Variants in SDK2 observed in about 807,000 individuals in gnomAD.
The protein encoded by SDK2 is sidekick cell adhesion molecule 2, also known as protein sidekick-2.
In SDK2, 105 loss-of-function variants were observed where a neutral mutation model predicts 253.9. The observed-to-expected ratio is 0.41, with a 90% CI of 0.35 to 0.49. The LOEUF (loss-of-function observed/expected upper bound fraction) is 0.49. Ranked by LOEUF, SDK2 falls within the 20% of genes least tolerant of loss-of-function variation. The pLI is 0.06. For missense variants in SDK2, 2,608 were observed against 3,003.0 expected (o/e 0.87, Z 3.07); for synonymous variants, 1,249 against 1,234.9 (o/e 1.01, Z -0.24).
chr17:73,384,133 TCAAG>T, intron 32 of SDK2, 122 bp from the exon 33 acceptor site: 1 of 1,135,000 alleles, frequency 8.8e-7, no homozygotes, highest in Non-Finnish European at 1.2e-6. Context: ...GGAAAAGAAA[TCAAG>T]ATAATATTGG....
At chr17:73,623,355 T>C (rs9896851) in intron 1 of SDK2, among the ~76,000 whole-genome samples, 58,047 of 152,004 alleles carry the variant, frequency 0.38, 11,585 homozygotes, top group African/African-American at 0.5. Context: ...AGTCTGGCTC[T>C]GGGGTTCCCC....
At position 73,455,193 on chromosome 17, in the gene SDK2, G is replaced by A. The variant is rs1329704399; in HGVS notation, c.479+713C>T. On this transcript the variant is annotated intron_variant, in intron 4 of 44. Transcript: ENST00000392650. This position sits in a 1 kb window ranked among gnomAD's most constrained non-coding sequence, Gnocchi z 5.0. ...GTCTTCTGGAAGCAGGGGAGAGCTG[G>A]AGTTGGAAAGAGGAGAGCCCCAGCT... Among the ~76,000 whole-genome samples, 1 of 152,112 alleles carries A rather than the reference G, an allele frequency of 6.6e-6. No individual in the cohort carries two copies. Among genetic ancestry groups the A allele is most frequent in the Admixed American group, 6.5e-5 (1 of 15,276 alleles).
In SDK2 at chr17:73,618,233, T is replaced by C. The variant is rs113458785; in HGVS notation, c.64+25792A>G. Among the ~76,000 whole-genome samples, 420 of 152,186 alleles carry C rather than the reference T, an allele frequency of 2.8e-3. No homozygotes were observed. The highest frequency in any genetic ancestry group is 5.1e-3 in the Non-Finnish European group (346 of 67,984). On this transcript the variant is annotated intron_variant, in intron 1 of 44. Transcript: ENST00000392650. The surrounding 1 kb of genome is among the most constrained non-coding windows in gnomAD (Gnocchi z 4.1). ...ATGACGCAGCTCTTATACCTAGGAGTGTCCCTCTTAATTAGACCCCATACC... is the reference window on the plus strand; with the variant it reads ...ATGACGCAGCTCTTATACCTAGGAGCGTCCCTCTTAATTAGACCCCATACC...
At position 73,347,095 on chromosome 17, in the gene SDK2, T is replaced by C. The variant is rs558674192; in HGVS notation, c.6165+1504A>G. On this transcript the variant is annotated intron_variant, in intron 44 of 44. Transcript: ENST00000392650. ...GACCACAGTGGGGCCAGCACAGTGG[T>C]TCACACCTGTAATCCCAGCACTTTG... Among the ~76,000 whole-genome samples the C allele has an allele frequency of 5.7e-4, 86 of 152,198 alleles. 1 individual carries two copies. The highest frequency in any genetic ancestry group is 2.0e-3 in the African/African-American group (84 of 41,524).
At chr17:73,356,291 TG>T (rs1196121724) in intron 40 of SDK2, among the ~76,000 whole-genome samples, 1 of 152,108 alleles carries the variant, frequency 6.6e-6, no homozygotes, top group African/African-American at 2.4e-5. Context: ...TAACCCCCCT[TG>T]TTCCACCCCA....
In SDK2 at chr17:73,590,324, C is replaced by T. The variant is rs764944463; in HGVS notation, c.64+53701G>A. On this transcript the variant is annotated intron_variant, in intron 1 of 44. Coordinates refer to ENST00000392650, the MANE Select transcript of SDK2 (RefSeq NM_001144952.2). ...CATGAGACTTGACAGGACCTGGCAA[C>T]CAGCACCTCCTTCCCCGGCATTCGC... is the stretch of plus-strand genomic sequence containing the variant. Among the ~76,000 whole-genome samples the T allele has an allele frequency of 5.3e-4, 80 of 152,302 alleles. 1 individual carries two copies. Among genetic ancestry groups the T allele is most frequent in the Middle Eastern group, 3.4e-3 (1 of 294 alleles).
At chr17:73,488,116 C>T (rs553502485) in intron 2 of SDK2, among the ~76,000 whole-genome samples, 6 of 151,934 alleles carry the variant, frequency 3.9e-5, no homozygotes, top group South Asian at 2.1e-4. Flanking sequence ...CCTGGGTTCA[C>T]GCCATTCTCC....
rs893325981 is a variant in SDK2 at position 73,496,652 on chromosome 17, C to T, written c.224+10786G>A. On this transcript the variant is annotated intron_variant, in intron 2 of 44. Coordinates refer to ENST00000392650, the MANE Select transcript of SDK2 (RefSeq NM_001144952.2). This position sits in a 1 kb window ranked among gnomAD's most constrained non-coding sequence, Gnocchi z 4.7. The stretch of plus-strand genomic sequence containing the variant: ...ATATATCCGAGAAGATTCTTCCTGG[C>T]GTTCCAGGTCCTACCTCTGCCATCT... 2.0e-5 allele frequency among the ~76,000 whole-genome samples: 3 copies of T among 152,110 alleles called. No individual in the cohort carries two copies. Among genetic ancestry groups the T allele is most frequent in the African/African-American group, 4.8e-5 (2 of 41,416 alleles).
intron 3 of SDK2, among the ~76,000 whole-genome samples, chr17:73,463,770 C>T (rs752255956): frequency 8.5e-5 from 13 of 152,230 alleles, no homozygotes; most frequent in Non-Finnish European, 1.6e-4. Flanking sequence ...GTCATTTTCA[C>T]GGCTGGATGG....
chr17:73,342,630 A>C (rs967628119), intron 44 of SDK2, among the ~76,000 whole-genome samples: 1 of 152,088 alleles, frequency 6.6e-6, no homozygotes, highest in East Asian at 1.9e-4. Flanking sequence ...GGGGTTCTAG[A>C]ATTTTGGCTA....
chr17:73,457,497 C>T (rs1343449435), intron 3 of SDK2, among the ~76,000 whole-genome samples: 2 of 150,842 alleles, frequency 1.3e-5, no homozygotes, highest in East Asian at 2.0e-4. Flanking sequence ...ATTACAGGCA[C>T]CCGCCAGCAC....
chr17:73,420,753 G>A (rs1747878898), intron 15 of SDK2, among the ~76,000 whole-genome samples: 1 of 152,122 alleles, frequency 6.6e-6, no homozygotes. Flanking sequence ...TCACCTCACT[G>A]CAACCTCCGT....
intron 21 of SDK2, among the ~76,000 whole-genome samples, chr17:73,400,309 G>A (rs1023578896): frequency 3.9e-5 from 6 of 152,164 alleles, no homozygotes; most frequent in Admixed American, 6.5e-5. Context: ...TAGCCCCACC[G>A]TGCTCTGCCA....
In SDK2 at chr17:73,361,952, G is replaced by C; in HGVS notation, c.5306-107C>G. 1 of 1,094,766 alleles carries C rather than the reference G, an allele frequency of 9.1e-7. No individual in the cohort carries two copies. The highest frequency in any genetic ancestry group is 1.3e-6 in the Non-Finnish European group (1 of 781,078). 67.8% of individuals were successfully genotyped at this position (1,094,766 alleles called of 1,614,324 possible). A position where few individuals can be genotyped will look rare whatever the true frequency, so the allele number is the denominator to read the frequency against. ...GGCCTGGGCCCCGGGACCCTGGGTA[G>C]GGGCCTCACTCCTTGAGGTCAGGCT... On this transcript the variant is annotated intron_variant, in intron 38 of 44. Transcript: ENST00000392650. The surrounding 1 kb of genome is among the most constrained non-coding windows in gnomAD (Gnocchi z 4.1).
At chr17:73,397,862 C>T (rs1055384092) in intron 24 of SDK2, among the ~76,000 whole-genome samples, 173 bp downstream of exon 24, 10 of 152,208 alleles carry the variant, frequency 6.6e-5, no homozygotes, top group South Asian at 2.1e-4. Context: ...TTCCTCTCAT[C>T]GGCGGGCGGG....
At position 73,431,592 on chromosome 17, in the gene SDK2, G is replaced by C; in HGVS notation, c.1390C>G (p.Pro464Ala). The change falls in exon 11 of 45, where the codon CCC (proline) becomes GCC (alanine). Residue 464 changes from proline to alanine, a missense_variant. Coordinates refer to ENST00000392650, the MANE Select transcript of SDK2 (RefSeq NM_001144952.2). This position sits in a 1 kb window ranked among gnomAD's most constrained non-coding sequence, Gnocchi z 5.6. Reference protein sequence around the residue: ...PLESGSLLISPTHISDAGTYT... With the variant: ...PLESGSLLISATHISDAGTYT... ...GTCCCCGCATCGGAGATGTGTGTGG[G>C]GCTGATGAGGAGGCTGCCCGACTCC... 1 of 1,613,642 alleles carries C rather than the reference G, an allele frequency of 6.2e-7. No individual in the cohort carries two copies. Among genetic ancestry groups the C allele is most frequent in the Non-Finnish European group, 8.5e-7 (1 of 1,179,754 alleles).
chr17:73,420,052 A>T (rs1013799603), intron 15 of SDK2, among the ~76,000 whole-genome samples: 1 of 152,156 alleles, frequency 6.6e-6, no homozygotes, highest in African/African-American at 2.4e-5. Flanking sequence ...GGTGTACCTT[A>T]ACTAGGCCTC....
Position 73,437,201 on chromosome 17 carries a change from C to T in SDK2, c.1000+538G>A, listed in dbSNP as rs183802673. Among the ~76,000 whole-genome samples the T allele has an allele frequency of 3.0e-4, 46 of 152,228 alleles. No homozygotes were observed. In the East Asian group the frequency reaches 7.1e-3, roughly 24 times the overall value. The stretch of plus-strand genomic sequence containing the variant: ...GCACGCTCTTCTCTCTTTATCATCC[C>T]GGATTTCACCCTGGCTGCGGGCTGT... On this transcript the variant is annotated intron_variant, in intron 8 of 44. Transcript: ENST00000392650.
chr17:73,607,692 G>T (rs1253416195), intron 1 of SDK2, among the ~76,000 whole-genome samples: 1 of 152,122 alleles, frequency 6.6e-6, no homozygotes, highest in Non-Finnish European at 1.5e-5. Context: ...GGGTTGCAGG[G>T]CAGGCTTGGG....
Sources: allele counts gnomAD v4.1 joint callset (sites outside exome capture counted in the v4.1 genomes callset), GRCh38; gene constraint gnomAD v4.1.1; non-coding constraint Gnocchi (gnomAD v3.1); transcripts MANE v1.5; gene names NCBI Gene and HGNC (gene_info 2026-07-23, HGNC 2026-07-21).